The following RFX2 variants were observed in gnomAD, a reference collection of about 807,000 sequenced individuals.
RFX2 encodes the protein DNA-binding protein RFX2.
RFX2 carries 20 observed loss-of-function variants against 87.8 expected under a neutral mutation model. The ratio of observed to expected loss-of-function variants is 0.23; its 90% CI spans 0.16 to 0.33. The LOEUF (loss-of-function observed/expected upper bound fraction) is 0.33, where lower values mean the gene tolerates loss of function less well. RFX2 is among the 10% of genes least tolerant of loss of function. The pLI is 1.00. For synonymous variants in RFX2, 397 were observed against 431.3 expected (o/e 0.92, Z 0.98); for missense variants, 767 against 1,012.3 (o/e 0.76, Z 3.29).
At chr19:6,100,245 G>A (rs1173312356) in intron 1 of RFX2, among the ~76,000 whole-genome samples, 2 of 152,188 alleles carry the variant, frequency 1.3e-5, no homozygotes, top group African/African-American at 4.8e-5. Flanking sequence ...AGGGAGATGG[G>A]GCTGGACTGA....
chr19:6,041,403 G>T (rs1212756680), intron 4 of RFX2, among the ~76,000 whole-genome samples: 1 of 152,164 alleles, frequency 6.6e-6, no homozygotes, highest in Non-Finnish European at 1.5e-5. Flanking sequence ...AAAGTGAGCT[G>T]CACGGGAGAT....
Position 6,007,200 on chromosome 19 carries a change from C to T in RFX2, c.1248-34G>A, listed in dbSNP as rs2086595131. On this transcript the variant is annotated intron_variant, in intron 11 of 17. Transcript: ENST00000303657. The surrounding 1 kb of genome is among the most constrained non-coding windows in gnomAD (Gnocchi z 8.2). ...GGAGGGGGGACAGGTGAGCTGTGGC[C>T]TGGCCCAGGTGGGCTCACTCAGCCA... 1.2e-6 allele frequency: 2 copies of T among 1,604,404 alleles called. No homozygotes were observed. The highest frequency in any genetic ancestry group is 1.7e-6 in the Non-Finnish European group (2 of 1,174,352).
At chr19:6,006,664 G>T (rs915940226) in intron 12 of RFX2, among the ~76,000 whole-genome samples, 1 of 151,800 alleles carries the variant, frequency 6.6e-6, no homozygotes, top group African/African-American at 2.4e-5. Context: ...TGGTCACACT[G>T]GTCTCAAACT....
At chr19:6,003,527 G>A (rs573004667) in intron 13 of RFX2, among the ~76,000 whole-genome samples, 13 of 152,064 alleles carry the variant, frequency 8.5e-5, no homozygotes, top group South Asian at 6.2e-4. Flanking sequence ...CTGTAATCCC[G>A]GTACTTTGGG....
chr19:6,005,990 C>T (rs2086574516), intron 12 of RFX2, among the ~76,000 whole-genome samples: 1 of 152,226 alleles, frequency 6.6e-6, no homozygotes, highest in South Asian at 2.1e-4. Flanking sequence ...GGCCGGCCTG[C>T]ATGCCCCCAG....
chr19:6,088,505 C>T (rs573109637), intron 1 of RFX2, among the ~76,000 whole-genome samples: 8 of 147,610 alleles, frequency 5.4e-5, no homozygotes, highest in Non-Finnish European at 1.2e-4. Context: ...GTCACCATGC[C>T]AGCCCAGCAT....
In RFX2 at chr19:6,002,585, AC is replaced by A. The variant is rs1219866433; in HGVS notation, c.1650+135del. The A allele has an allele frequency of 9.3e-7, 1 of 1,073,266 alleles. No homozygotes were observed. The highest frequency in any genetic ancestry group is 1.4e-6 in the Non-Finnish European group (1 of 735,100). The allele number at this position is 1,073,266 out of a possible 1,614,324, so 66.5% of individuals were successfully genotyped here. A position where few individuals can be genotyped will look rare whatever the true frequency, so the allele number is the denominator to read the frequency against. On this transcript the variant is annotated intron_variant, in intron 14 of 17. Coordinates refer to ENST00000303657, the MANE Select transcript of RFX2 (RefSeq NM_000635.4). This position sits in a 1 kb window ranked among gnomAD's most constrained non-coding sequence, Gnocchi z 6.7. ...GGCTGTGGGTGGGCTTTGGCCTGGGACCCGTGTCATGCAACAGAACCGTGGC... is the reference window on the plus strand; with the variant it reads ...GGCTGTGGGTGGGCTTTGGCCTGGGACCGTGTCATGCAACAGAACCGTGGC...
At chr19:6,069,991 G>A (rs997015819) in intron 1 of RFX2, among the ~76,000 whole-genome samples, 1 of 150,000 alleles carries the variant, frequency 6.7e-6, no homozygotes, top group Non-Finnish European at 1.5e-5. Flanking sequence ...TTTCATGGAT[G>A]GGATGGGATG....
intron 1 of RFX2, among the ~76,000 whole-genome samples, chr19:6,073,760 G>A (rs574291626): frequency 1.8e-4 from 28 of 152,102 alleles, no homozygotes; most frequent in African/African-American, 6.0e-4. Context: ...CTTTTTTACC[G>A]TGCAAATTTC....
At position 6,007,226 on chromosome 19, in the gene RFX2, C is replaced by G. The variant is rs1354298098; in HGVS notation, c.1248-60G>C. On this transcript the variant is annotated intron_variant, in intron 11 of 17. Coordinates refer to ENST00000303657, the MANE Select transcript of RFX2 (RefSeq NM_000635.4). The surrounding 1 kb of genome is among the most constrained non-coding windows in gnomAD (Gnocchi z 8.2). ...TGGCCCAGGTGGGCTCACTCAGCCA[C>G]GGGAGCGAGCAGAGAGCCGGGCTGC... 1 of 1,554,834 alleles carries G rather than the reference C, an allele frequency of 6.4e-7. No individual in the cohort carries two copies. The highest frequency in any genetic ancestry group is 1.4e-5 in the African/African-American group (1 of 73,718).
intron 12 of RFX2, among the ~76,000 whole-genome samples, chr19:6,005,490 C>A (rs917410057): frequency 6.6e-6 from 1 of 152,188 alleles, no homozygotes; most frequent in Non-Finnish European, 1.5e-5. Context: ...GAGCTTGGCA[C>A]GGGCCTGGCC....
chr19:6,081,231 G>A (rs1310378904), intron 1 of RFX2, among the ~76,000 whole-genome samples: 2 of 152,238 alleles, frequency 1.3e-5, no homozygotes, highest in East Asian at 1.9e-4. Context: ...CTTCCCGGCC[G>A]GGTATGGTGG....
rs1449978122 is a variant in RFX2, at chr19:6,007,023, C to G, written c.1391G>C (p.Arg464Thr). The G allele has an allele frequency of 6.2e-7, 1 of 1,614,050 alleles. No individual in the cohort carries two copies. The highest frequency in any genetic ancestry group is 1.3e-5 in the African/African-American group (1 of 75,044). ...CGTGGGTCACTTACTGGGGACCGGCCTCAGCACGTCGGGGATGAGAATCTC... is the reference window on the plus strand; with the variant it reads ...CGTGGGTCACTTACTGGGGACCGGCGTCAGCACGTCGGGGATGAGAATCTC... ...LVEILIPDVL[R>T]PVPSTLTQAI... Residue 464 changes from arginine (R) to threonine (T), a missense_variant, in exon 12 of 18, where the codon AGG becomes ACG. Physicochemically the swap from Arg to Thr is moderately conservative, Grantham distance 71. Coordinates refer to ENST00000303657, the MANE Select transcript of RFX2 (RefSeq NM_000635.4). This position sits in a 1 kb window ranked among gnomAD's most constrained non-coding sequence, Gnocchi z 8.2.
chr19:6,024,832 G>A lies in RFX2; in HGVS notation c.597+1331C>T, dbSNP rs1339584237. On this transcript the variant is annotated intron_variant, in intron 6 of 17. Transcript: ENST00000303657. This position sits in a 1 kb window ranked among gnomAD's most constrained non-coding sequence, Gnocchi z 5.0. Reference sequence around the variant, plus strand: ...AGGACGGGAGTGAGGACGGGATCACGGTGAGGACGGGAGTGAGGACGGGAT... The same window carrying A: ...AGGACGGGAGTGAGGACGGGATCACAGTGAGGACGGGAGTGAGGACGGGAT... 8.3e-6 allele frequency among the ~76,000 whole-genome samples: 1 copy of A among 120,150 alleles called. No homozygotes were observed. The highest frequency in any genetic ancestry group is 1.7e-5 in the Non-Finnish European group (1 of 58,832). The allele number at this position is 120,150 out of a possible 152,430, so 78.8% of individuals were successfully genotyped here.
rs543948171 is a variant in RFX2 at position 6,042,113 on chromosome 19, A to T, written c.191T>A (p.Val64Glu). 2.6e-5 allele frequency: 42 copies of T among 1,613,734 alleles called. No homozygotes were observed. The South Asian group carries it at 4.4e-4, about 17-fold the overall frequency. ...VQQVPQQVQP[V>E]QHVYPAQVQY... ...CACCTGGGCAGGATACACGTGCTGC[A>T]CCGGCTGCACCTGAAACATCGGATA... Residue 64 changes from valine (V) to glutamate (E), a missense_variant, in exon 4 of 18, where the codon GTG becomes GAG. Transcript: ENST00000303657.
At chr19:6,082,853 A>G (rs563824255) in intron 1 of RFX2, among the ~76,000 whole-genome samples, 1 of 152,350 alleles carries the variant, frequency 6.6e-6, no homozygotes, top group East Asian at 1.9e-4. Context: ...TTTCAGAGCC[A>G]TGCTAGAGCC....
rs2086656655 is a variant in RFX2, at chr19:6,011,302, C to T, written c.900-1051G>A. The stretch of plus-strand genomic sequence containing the variant: ...TGAGAAACACTCAGCACTTTCCAGG[C>T]GCTGGACTCCTCAGGGCCCGGTGTG... On this transcript the variant is annotated intron_variant, in intron 8 of 17. Transcript: ENST00000303657. This position sits in a 1 kb window ranked among gnomAD's most constrained non-coding sequence, Gnocchi z 4.8. Among the ~76,000 whole-genome samples, 1 of 152,120 alleles carries T rather than the reference C, an allele frequency of 6.6e-6. No individual in the cohort carries two copies. The highest frequency in any genetic ancestry group is 2.4e-5 in the African/African-American group (1 of 41,426).
chr19:6,073,533 C>T (rs1053818930), intron 1 of RFX2: 15 of 641,446 alleles, frequency 2.3e-5, no homozygotes, highest in Non-Finnish European at 3.4e-5. Context: ...AATGAGTAGA[C>T]GGCTCATGTG....
chr19:6,031,614 G>A (rs988596935), intron 5 of RFX2, among the ~76,000 whole-genome samples: 3 of 151,546 alleles, frequency 2.0e-5, no homozygotes, highest in Non-Finnish European at 2.9e-5. Flanking sequence ...ATTTTTAGTC[G>A]AGGTGGGGTT....
Sources: gnomAD v4.1 joint callset for allele counts (sites outside exome capture counted in the v4.1 genomes callset) on GRCh38, gnomAD v4.1.1 for gene constraint, Gnocchi (gnomAD v3.1) non-coding constraint, MANE v1.5 for transcripts, NCBI Gene and HGNC (gene_info 2026-07-23, HGNC 2026-07-21) for gene names.